The following SLC25A48 variants were observed in gnomAD, a reference collection of about 807,000 sequenced individuals.
SLC25A48 encodes solute carrier family 25 member 48, also known as CTC-321K16.1.
A neutral mutation model predicts 32.2 loss-of-function variants in SLC25A48; 29 were observed. The observed-to-expected ratio is 0.90, with a 90% CI of 0.67 to 1.23. SLC25A48 has a LOEUF of 1.23. Ranked by LOEUF, SLC25A48 falls within the 50% of genes most tolerant of loss-of-function variation. The pLI is 0.00. For synonymous variants in SLC25A48, 164 were observed against 172.3 expected (o/e 0.95, Z 0.38); for missense variants, 399 against 422.7 (o/e 0.94, Z 0.49).
At chr5:135,837,498 C>T (rs958091209) in intron 1 of SLC25A48, among the ~76,000 whole-genome samples, 3 of 152,192 alleles carry the variant, frequency 2.0e-5, no homozygotes, top group African/African-American at 7.2e-5. Context: ...CTAACTGCTG[C>T]AACAAGGCTG....
intron 6 of SLC25A48, among the ~76,000 whole-genome samples, chr5:135,879,551 G>C (rs998689394): frequency 6.6e-6 from 1 of 151,650 alleles, no homozygotes; most frequent in African/African-American, 2.4e-5. Flanking sequence ...ATGGCTGGGT[G>C]CTCTGTCTAC....
intron 3 of SLC25A48, among the ~76,000 whole-genome samples, chr5:135,766,456 C>T (rs961409056): frequency 1.3e-5 from 2 of 151,196 alleles, no homozygotes; most frequent in African/African-American, 4.9e-5. Context: ...TATTACTCCT[C>T]ATATCACAAG....
At chr5:135,776,369 A>C (rs927490844) in intron 3 of SLC25A48, among the ~76,000 whole-genome samples, 2 of 151,716 alleles carry the variant, frequency 1.3e-5, no homozygotes, top group African/African-American at 4.8e-5. Context: ...AGAGGATAAT[A>C]TTACTCCCAA....
intron 3 of SLC25A48, among the ~76,000 whole-genome samples, chr5:135,766,001 G>A (rs1440368218): frequency 8.2e-6 from 1 of 121,866 alleles, no homozygotes; most frequent in African/African-American, 2.5e-5. Context: ...CAAGGCGGGA[G>A]AGGGTGATAT....
At chr5:135,767,190 C>G (rs1028717731) in intron 3 of SLC25A48, among the ~76,000 whole-genome samples, 1 of 149,660 alleles carries the variant, frequency 6.7e-6, no homozygotes, top group African/African-American at 2.5e-5. Context: ...CAGGTACACC[C>G]CCCCCCCGTG....
intron 3 of SLC25A48, among the ~76,000 whole-genome samples, chr5:135,776,389 G>T (rs1161963391): frequency 1.3e-5 from 2 of 151,806 alleles, no homozygotes; most frequent in African/African-American, 4.8e-5. Flanking sequence ...ATATCGTGGG[G>T]AATGTACACA....
intron 3 of SLC25A48, among the ~76,000 whole-genome samples, chr5:135,795,133 C>A (rs1018921071): frequency 6.6e-6 from 1 of 151,584 alleles, no homozygotes; most frequent in Admixed American, 6.6e-5. Flanking sequence ...GTTCCTAACA[C>A]CCTGGGTGGG....
chr5:135,634,857 G>T (rs1251899633), exon 3 of SLC25A48: 1 of 152,246 alleles, frequency 6.6e-6, no homozygotes, highest in Non-Finnish European at 1.5e-5. Flanking sequence ...CCACATTGGG[G>T]AGAGTCATCT....
chr5:135,688,812 C>G (rs1337837870), intron 3 of SLC25A48, among the ~76,000 whole-genome samples: 1 of 152,178 alleles, frequency 6.6e-6, no homozygotes, highest in African/African-American at 2.4e-5. Context: ...CAGCTGCCCC[C>G]ACTCCAGCCT....
At chr5:135,741,188 T>C (rs1464372466) in intron 3 of SLC25A48, among the ~76,000 whole-genome samples, 1 of 152,180 alleles carries the variant, frequency 6.6e-6, no homozygotes, top group African/African-American at 2.4e-5. Flanking sequence ...TGGATGGAGC[T>C]GGGACCTGAG....
intron 3 of SLC25A48, among the ~76,000 whole-genome samples, chr5:135,708,892 A>G (rs879619429): frequency 2.6e-5 from 4 of 152,186 alleles, no homozygotes; most frequent in South Asian, 4.1e-4. Flanking sequence ...TCTCATCACA[A>G]TCATGGCTAG....
At chr5:135,814,910 C>T (rs1457098006) in intron 4 of SLC25A48, among the ~76,000 whole-genome samples, 1 of 152,232 alleles carries the variant, frequency 6.6e-6, no homozygotes, top group East Asian at 1.9e-4. Flanking sequence ...GCCACTGCCT[C>T]GTGAACTGGC....
At chr5:135,654,709 C>T (rs373569894) in intron 3 of SLC25A48, among the ~76,000 whole-genome samples, 17 of 152,322 alleles carry the variant, frequency 1.1e-4, no homozygotes, top group African/African-American at 3.1e-4. Flanking sequence ...GTTGACTTTA[C>T]ATAAAGGAGA....
intron 3 of SLC25A48, among the ~76,000 whole-genome samples, chr5:135,771,216 G>A (rs1308901485): frequency 1.3e-5 from 2 of 151,604 alleles, no homozygotes; most frequent in Non-Finnish European, 3.0e-5. Context: ...TAGCCGGGGG[G>A]GAGAAGGTGA....
At chr5:135,698,341 T>A (rs1580794365) in intron 3 of SLC25A48, among the ~76,000 whole-genome samples, 1 of 152,236 alleles carries the variant, frequency 6.6e-6, no homozygotes, top group Non-Finnish European at 1.5e-5. Context: ...CTTTGGCTGG[T>A]GGTTCTTAAG....
intron 3 of SLC25A48, among the ~76,000 whole-genome samples, chr5:135,637,697 C>G (rs987276841): frequency 9.2e-5 from 14 of 152,190 alleles, no homozygotes; most frequent in African/African-American, 3.4e-4. Context: ...GTAGCAGAGA[C>G]TTTGGTTACA....
intron 3 of SLC25A48, among the ~76,000 whole-genome samples, chr5:135,801,045 G>A (rs1270682601): frequency 3.3e-5 from 5 of 151,762 alleles, no homozygotes; most frequent in East Asian, 3.9e-4. Flanking sequence ...ATATCTAGGC[G>A]GGAAGAGGAC....
intron 3 of SLC25A48, among the ~76,000 whole-genome samples, chr5:135,764,188 C>T (rs1298460484): frequency 6.6e-6 from 1 of 151,676 alleles, no homozygotes; most frequent in Non-Finnish European, 1.5e-5. Flanking sequence ...GGTGTACATC[C>T]CCCAGTGATA....
Position 135,808,942 on chromosome 5 carries a change from C to G in SLC25A48, c.-520-3581C>G, listed in dbSNP as rs769153036. Among the ~76,000 whole-genome samples, 5 of 152,138 alleles carry G rather than the reference C, an allele frequency of 3.3e-5. 1 individual carries two copies. Among genetic ancestry groups the G allele is most frequent in the African/African-American group, 7.2e-5 (3 of 41,444 alleles). ...CCACAAATCAAGTATTTCCCTTGTTCTATACCTTGTCATTTTGTTGCTACT... is the reference window on the plus strand; with the variant it reads ...CCACAAATCAAGTATTTCCCTTGTTGTATACCTTGTCATTTTGTTGCTACT... On this transcript the variant is annotated intron_variant, in intron 3 of 10. Coordinates refer to the SLC25A48 transcript ENST00000646290.
Sources: allele counts gnomAD v4.1 joint callset (sites outside exome capture counted in the v4.1 genomes callset), GRCh38; gene constraint gnomAD v4.1.1; transcripts MANE v1.5; gene names NCBI Gene and HGNC (gene_info 2026-07-23, HGNC 2026-07-21).